PTPRN2: variants seen among roughly 807,000 people sequenced by gnomAD.
PTPRN2 encodes the protein receptor-type tyrosine-protein phosphatase N2.
Under a neutral mutation model 118.8 loss-of-function variants are expected in PTPRN2, and 74 were observed. The ratio of observed to expected loss-of-function variants is 0.62; its 90% CI spans 0.52 to 0.76. The LOEUF is 0.76. Among genes scored for constraint, PTPRN2 ranks in the 30% least tolerant of loss-of-function variants. The pLI is 0.00. For synonymous variants in PTPRN2, 641 were observed against 608.0 expected, an observed-to-expected ratio of 1.05 and a Z score of -0.80; for missense variants, 1,481 against 1,394.4, an observed-to-expected ratio of 1.06 and a Z score of -0.99.
chr7:158,150,341 G>A (rs1585639480), intron 6 of PTPRN2, among the ~76,000 whole-genome samples: 1 of 152,212 alleles, frequency 6.6e-6, no homozygotes, highest in African/African-American at 2.4e-5. Context: ...TTCCATTTCT[G>A]AGTACCTGGG....
In PTPRN2 at chr7:157,831,275, G is replaced by C. The variant is rs746220461; in HGVS notation, c.1788+67398C>G. ...CCCCATGGTGCAGGCCTGTCCCAGC[G>C]ACCTGTAGCCTCATCCAGCACTGCG... On this transcript the variant is annotated intron_variant, in intron 12 of 22. Coordinates refer to ENST00000389418, the MANE Select transcript of PTPRN2 (RefSeq NM_002847.5). This position sits in a 1 kb window ranked among gnomAD's most constrained non-coding sequence, Gnocchi z 4.8. 1.3e-5 allele frequency among the ~76,000 whole-genome samples: 2 copies of C among 152,194 alleles called. No individual in the cohort carries two copies. The highest frequency in any genetic ancestry group is 2.9e-5 in the Non-Finnish European group (2 of 68,036).
At chr7:158,061,388 C>T (rs1810325055) in intron 11 of PTPRN2, among the ~76,000 whole-genome samples, 1 of 152,252 alleles carries the variant, frequency 6.6e-6, no homozygotes, top group African/African-American at 2.4e-5. Flanking sequence ...CTCCAGACAC[C>T]TGTTCCGAGG....
intron 3 of PTPRN2, among the ~76,000 whole-genome samples, chr7:158,286,885 C>A (rs904367928): frequency 6.6e-6 from 1 of 152,114 alleles, no homozygotes; most frequent in South Asian, 2.1e-4. Context: ...TGGAAGTATT[C>A]CTCTTCTTCA....
chr7:158,004,491 A>T (rs1805510854), intron 11 of PTPRN2, among the ~76,000 whole-genome samples: 2 of 152,218 alleles, frequency 1.3e-5, no homozygotes, highest in African/African-American at 4.8e-5. Context: ...AGTGGACTCT[A>T]AAAAAAGTAA....
chr7:158,263,351 C>A (rs1452511803), intron 3 of PTPRN2, among the ~76,000 whole-genome samples: 1 of 150,992 alleles, frequency 6.6e-6, no homozygotes, highest in Non-Finnish European at 1.5e-5. Flanking sequence ...TACATGTGTA[C>A]ACATATGAGC....
At chr7:158,177,857 C>T (rs1173281890) in intron 5 of PTPRN2, among the ~76,000 whole-genome samples, 3 of 152,182 alleles carry the variant, frequency 2.0e-5, no homozygotes, top group African/African-American at 7.2e-5. Flanking sequence ...TGAATGCACA[C>T]ATGCTTTCGT....
chr7:157,721,162 A>G (rs558508224), intron 12 of PTPRN2, among the ~76,000 whole-genome samples: 47 of 152,340 alleles, frequency 3.1e-4, no homozygotes, highest in African/African-American at 1.0e-3. Context: ...AGGAATAGAA[A>G]GAAACAGCTG....
chr7:157,579,183 T>A (rs1367055918), intron 17 of PTPRN2, among the ~76,000 whole-genome samples: 1 of 152,238 alleles, frequency 6.6e-6, no homozygotes, highest in Non-Finnish European at 1.5e-5. Context: ...TTTTTTAATA[T>A]TGATTTATGT....
At chr7:158,439,973 G>A (rs1358263060) in intron 2 of PTPRN2, among the ~76,000 whole-genome samples, 2 of 152,192 alleles carry the variant, frequency 1.3e-5, no homozygotes, top group Admixed American at 6.5e-5. Context: ...TCATGTTGAG[G>A]CATCTGCATT....
chr7:158,053,078 C>G (rs1163317157), intron 11 of PTPRN2, among the ~76,000 whole-genome samples: 1 of 152,190 alleles, frequency 6.6e-6, no homozygotes, highest in Non-Finnish European at 1.5e-5. Context: ...GAAGCACAGT[C>G]TCTCTCAGTC....
intron 1 of PTPRN2, among the ~76,000 whole-genome samples, chr7:158,552,890 A>G (rs1826754426): frequency 6.6e-6 from 1 of 152,194 alleles, no homozygotes; most frequent in Non-Finnish European, 1.5e-5. Context: ...CTCCGTGTCT[A>G]CACACTCAGG....
chr7:158,147,493 C>G (rs1173392696), intron 6 of PTPRN2, among the ~76,000 whole-genome samples: 155 of 102,918 alleles, frequency 1.5e-3, no homozygotes, highest in Non-Finnish European at 2.1e-3. Context: ...TCACTGACAC[C>G]CCATCTCACG....
At chr7:157,626,204 A>C (rs1803559295) in intron 14 of PTPRN2, among the ~76,000 whole-genome samples, 1 of 152,134 alleles carries the variant, frequency 6.6e-6, no homozygotes. Flanking sequence ...TGATCTTCTT[A>C]CCATCGCTTC....
intron 12 of PTPRN2, among the ~76,000 whole-genome samples, chr7:157,803,383 G>A (rs1319498052): frequency 6.6e-6 from 1 of 152,188 alleles, no homozygotes; most frequent in Admixed American, 6.5e-5. Context: ...CCTTTCGTGG[G>A]CTGCCCTCTG....
At chr7:157,575,582 CATA>C (rs1280599740) in intron 19 of PTPRN2, among the ~76,000 whole-genome samples, 1 of 152,224 alleles carries the variant, frequency 6.6e-6, no homozygotes, top group Non-Finnish European at 1.5e-5. Context: ...TAAATTGAAT[CATA>C]ATAAGCTTCA....
At chr7:158,219,507 A>G (rs1828189462) in intron 3 of PTPRN2, among the ~76,000 whole-genome samples, 1 of 152,064 alleles carries the variant, frequency 6.6e-6, no homozygotes, top group East Asian at 1.9e-4. Context: ...ACCTGGAAGA[A>G]CTAGAAAAAA....
At chr7:157,588,012 G>A (rs1262933303) in intron 17 of PTPRN2, among the ~76,000 whole-genome samples, 2 of 151,868 alleles carry the variant, frequency 1.3e-5, no homozygotes, top group African/African-American at 4.8e-5. Flanking sequence ...GGCTCCCGCG[G>A]TGGCTGTCCC....
intron 12 of PTPRN2, among the ~76,000 whole-genome samples, chr7:157,746,891 G>C (rs1210578604): frequency 6.6e-6 from 1 of 151,966 alleles, no homozygotes; most frequent in Admixed American, 6.6e-5. Flanking sequence ...TCCCTGAGCT[G>C]TGGGCTGTTG....
chr7:158,312,277 G>GTC (rs1801865652), intron 3 of PTPRN2, among the ~76,000 whole-genome samples: 1 of 103,452 alleles, frequency 9.7e-6, no homozygotes, highest in African/African-American at 3.5e-5. Context: ...CTCACATGTA[G>GTC]ACACGCACAC....
Sources: allele counts gnomAD v4.1 joint callset (sites outside exome capture counted in the v4.1 genomes callset), GRCh38; gene constraint gnomAD v4.1.1; non-coding constraint Gnocchi (gnomAD v3.1); transcripts MANE v1.5; gene names NCBI Gene and HGNC (gene_info 2026-07-23, HGNC 2026-07-21).